Variants in KANSL2 observed in about 807,000 individuals in gnomAD.
KANSL2 encodes KAT8 regulatory NSL complex subunit 2.
KANSL2 carries 34 observed loss-of-function variants against 55.6 expected under a neutral mutation model. That is an observed-to-expected ratio of 0.61 (90% CI 0.46 to 0.81). The LOEUF (loss-of-function observed/expected upper bound fraction) is 0.81, where lower values mean the gene tolerates loss of function less well. KANSL2 is among the 40% of genes least tolerant of loss of function. KANSL2 has a pLI of 0.00. For synonymous variants in KANSL2, 209 were observed against 214.3 expected (o/e 0.98, Z 0.22); for missense variants, 502 against 609.9 (o/e 0.82, Z 1.86).
At chr12:48,659,460 C>CA (rs200567272) in intron 8 of KANSL2, among the ~76,000 whole-genome samples, 2,476 of 151,832 alleles carry the variant, frequency 0.016, 29 homozygotes, top group Non-Finnish European at 0.024. Flanking sequence ...CTCATCTATA[C>CA]AAAAAATAAA....
intron 4 of KANSL2, among the ~76,000 whole-genome samples, chr12:48,675,954 G>A (rs552732054): frequency 4.6e-4 from 70 of 152,214 alleles, no homozygotes; most frequent in Non-Finnish European, 8.2e-4. Flanking sequence ...CAATGATGAA[G>A]ATTCAATAAT....
chr12:48,660,983 A>T (rs1045733671), intron 7 of KANSL2, among the ~76,000 whole-genome samples: 1 of 152,180 alleles, frequency 6.6e-6, no homozygotes, highest in Non-Finnish European at 1.5e-5. Flanking sequence ...TAGCCTTGAA[A>T]ATGCCCCTAA....
At chr12:48,676,820 A>G (rs1395505707) in intron 4 of KANSL2, among the ~76,000 whole-genome samples, 1 of 152,190 alleles carries the variant, frequency 6.6e-6, no homozygotes, top group East Asian at 1.9e-4. Flanking sequence ...TCTAGTTAGG[A>G]TCAAGTCTCT....
intron 7 of KANSL2, among the ~76,000 whole-genome samples, chr12:48,664,099 G>T (rs1416763343): frequency 6.6e-6 from 1 of 151,720 alleles, no homozygotes; most frequent in African/African-American, 2.4e-5. Context: ...ATATTTAGTA[G>T]AGATGGGGTT....
intron 8 of KANSL2, chr12:48,656,810 A>G (rs1565603801): frequency 6.3e-6 from 3 of 479,480 alleles, no homozygotes; most frequent in Non-Finnish European, 8.2e-6. Flanking sequence ...ACAATATATC[A>G]AACTAACTTT....
intron 2 of KANSL2, 185 bp downstream of exon 2, chr12:48,681,197 G>C: frequency 1.9e-6 from 1 of 539,426 alleles, no homozygotes; most frequent in Non-Finnish European, 3.2e-6. Context: ...CCAAAGAGGT[G>C]AACTAAGTAA....
chr12:48,657,262 T>C (rs533491600), intron 8 of KANSL2, among the ~76,000 whole-genome samples: 8 of 151,906 alleles, frequency 5.3e-5, no homozygotes, highest in Admixed American at 2.0e-4. Context: ...CCATCTCTAC[T>C]AAAAATACAA....
At chr12:48,656,563 C>A in intron 8 of KANSL2, 1 of 362,698 alleles carries the variant, frequency 2.8e-6, no homozygotes, top group South Asian at 2.1e-5. Flanking sequence ...TGAGCCACCA[C>A]GCCCGGCCAA....
chr12:48,668,769 C>T (rs908403267), intron 6 of KANSL2, among the ~76,000 whole-genome samples: 4 of 152,160 alleles, frequency 2.6e-5, no homozygotes, highest in African/African-American at 9.7e-5. Context: ...TGAACAGGCA[C>T]GGTGGCTCAT....
chr12:48,661,462 C>T (rs1304980979), intron 7 of KANSL2, among the ~76,000 whole-genome samples: 1 of 152,112 alleles, frequency 6.6e-6, no homozygotes, highest in African/African-American at 2.4e-5. Flanking sequence ...TATGCAAGTG[C>T]TACCATTTCT....
At chr12:48,661,705 C>T (rs970862961) in intron 7 of KANSL2, among the ~76,000 whole-genome samples, 9 of 152,130 alleles carry the variant, frequency 5.9e-5, no homozygotes, top group African/African-American at 1.7e-4. Flanking sequence ...TCTTTCAATG[C>T]ATACTTGGAA....
intron 8 of KANSL2, among the ~76,000 whole-genome samples, chr12:48,659,416 GAGTTGAAGACCAGC>G (rs1390829134): frequency 2.6e-5 from 4 of 152,120 alleles, no homozygotes; most frequent in African/African-American, 7.2e-5. Flanking sequence ...TTGAGCCTAG[GAGTTGAAGACCAGC>G]CCATGCAACA....
At chr12:48,678,531 T>C (rs139113314) in intron 4 of KANSL2, among the ~76,000 whole-genome samples, 175 of 152,346 alleles carry the variant, frequency 1.1e-3, no homozygotes, top group African/African-American at 4.0e-3. Context: ...GATTTGATCA[T>C]GACACAAGGT....
At chr12:48,679,174 C>A (rs767418764) in intron 3 of KANSL2, 24 bp from the exon 4 acceptor site, 5 of 1,494,682 alleles carry the variant, frequency 3.3e-6, no homozygotes, top group Non-Finnish European at 4.7e-6. Context: ...GGGAGAGCAG[C>A]CATTAAGACT....
At chr12:48,659,853 T>C (rs1267362294) in intron 8 of KANSL2, among the ~76,000 whole-genome samples, 1 of 152,190 alleles carries the variant, frequency 6.6e-6, no homozygotes, top group Non-Finnish European at 1.5e-5. Context: ...ATAGTATGGA[T>C]AAACCTTGAA....
intron 4 of KANSL2, among the ~76,000 whole-genome samples, chr12:48,672,436 T>G (rs988816625): frequency 7.0e-6 from 1 of 143,304 alleles, no homozygotes; most frequent in South Asian, 2.2e-4. Flanking sequence ...TATATATATT[T>G]TTTTTTTGAG....
At chr12:48,655,117 CATGTTTTTCAGCAAACT>C in intron 8 of KANSL2, 57 bp from the exon 9 acceptor site, 1 of 1,523,778 alleles carries the variant, frequency 6.6e-7, no homozygotes, top group Non-Finnish European at 8.9e-7. Flanking sequence ...ATAAAGTTGG[CATGTTTTTCAGCAAACT>C]TTAAAGCAAT....
At chr12:48,679,005 T>C in intron 4 of KANSL2, 31 bp downstream of exon 4, 1 of 1,475,676 alleles carries the variant, frequency 6.8e-7, no homozygotes, top group Non-Finnish European at 9.5e-7. Flanking sequence ...CTAACTACAT[T>C]TCAAATGCCT....
At chr12:48,672,409 G>GTATATATATATATATATATATATACGTA (rs1939736477) in intron 4 of KANSL2, among the ~76,000 whole-genome samples, 2 of 123,378 alleles carry the variant, frequency 1.6e-5, no homozygotes, top group Admixed American at 9.0e-5. Flanking sequence ...ATATATATAC[G>GTATATATATATATATATATATATACGTA]TATATATATA....
Sources: gnomAD v4.1 joint callset for allele counts (sites outside exome capture counted in the v4.1 genomes callset) on GRCh38, gnomAD v4.1.1 for gene constraint, MANE v1.5 for transcripts, NCBI Gene and HGNC (gene_info 2026-07-23, HGNC 2026-07-21) for gene names.